GRM1: variants seen among roughly 807,000 people sequenced by gnomAD.
The protein encoded by GRM1 is metabotropic glutamate receptor 1.
In GRM1, 33 loss-of-function variants were observed where a neutral mutation model predicts 90.9. The observed-to-expected ratio is 0.36, with a 90% CI of 0.28 to 0.49. The LOEUF is 0.49. GRM1 is among the 20% of genes least tolerant of loss of function. The pLI, the probability that GRM1 is intolerant of heterozygous loss-of-function variation, is 0.99. For missense variants in GRM1, 1,190 were observed against 1,534.3 expected (o/e 0.78, Z 3.75); for synonymous variants, 700 against 613.2 (o/e 1.14, Z -2.09).
chr6:146,301,181 A>T (rs1310897608), intron 2 of GRM1, among the ~76,000 whole-genome samples: 1 of 152,102 alleles, frequency 6.6e-6, no homozygotes, highest in Admixed American at 6.6e-5. Context: ...TTTTCCTTAT[A>T]TCCTGGTTCT....
intron 1 of GRM1, among the ~76,000 whole-genome samples, chr6:146,098,612 A>C (rs1253562120): frequency 6.6e-6 from 1 of 152,030 alleles, no homozygotes; most frequent in Non-Finnish European, 1.5e-5. Flanking sequence ...CCTAAAGTTA[A>C]TCTTACCACC....
intron 7 of GRM1, among the ~76,000 whole-genome samples, chr6:146,406,124 G>A (rs1308664402): frequency 6.6e-6 from 1 of 152,178 alleles, no homozygotes; most frequent in Non-Finnish European, 1.5e-5. Context: ...AGGTGACAAA[G>A]AAGGAAAAGT....
At chr6:146,031,299 CAGA>C (rs1342577304) in intron 1 of GRM1, among the ~76,000 whole-genome samples, 1 of 152,104 alleles carries the variant, frequency 6.6e-6, no homozygotes, top group East Asian at 1.9e-4. Flanking sequence ...TATAAGCTGG[CAGA>C]AGAAGACAAT....
Position 146,236,635 on chromosome 6 carries a change from A to G in GRM1, c.951-67976A>G, listed in dbSNP as rs545121371. The stretch of plus-strand genomic sequence containing the variant: ...GCCCAGTATATATTTCTTTTCCTCC[A>G]CAAGGGTGAGGGAATTTTTGTTGTT... On this transcript the variant is annotated intron_variant, in intron 2 of 7. Coordinates refer to ENST00000282753, the MANE Select transcript of GRM1 (RefSeq NM_001278064.2). Among the ~76,000 whole-genome samples the G allele has an allele frequency of 2.6e-5, 4 of 151,986 alleles. No homozygotes were observed. The East Asian group carries it at 5.8e-4, about 22-fold the overall frequency.
intron 3 of GRM1, among the ~76,000 whole-genome samples, chr6:146,344,694 T>C (rs917426434): frequency 1.3e-5 from 2 of 152,222 alleles, no homozygotes; most frequent in African/African-American, 4.8e-5. Flanking sequence ...ATTACGACAC[T>C]GAGACAGAGT....
intron 1 of GRM1, among the ~76,000 whole-genome samples, chr6:146,156,915 G>A (rs1777545902): frequency 6.6e-6 from 1 of 152,174 alleles, no homozygotes; most frequent in Admixed American, 6.5e-5. Context: ...ATGTCTGGAA[G>A]AAGTAGATTT....
chr6:146,330,610 C>G (rs1784555921), intron 3 of GRM1, among the ~76,000 whole-genome samples: 2 of 152,116 alleles, frequency 1.3e-5, no homozygotes, highest in Admixed American at 6.6e-5. Flanking sequence ...CTTATCTTCT[C>G]TTAATTCTGG....
At chr6:146,228,133 C>G (rs1156766185) in intron 2 of GRM1, among the ~76,000 whole-genome samples, 1 of 152,194 alleles carries the variant, frequency 6.6e-6, no homozygotes, top group Admixed American at 6.6e-5. Flanking sequence ...CTTTGTCCTT[C>G]TGGCATCACC....
At chr6:146,319,545 A>G (rs1347830430) in intron 3 of GRM1, among the ~76,000 whole-genome samples, 1 of 152,180 alleles carries the variant, frequency 6.6e-6, no homozygotes, top group East Asian at 1.9e-4. Flanking sequence ...TTGAATCTAT[A>G]AATTACCTTG....
chr6:146,091,521 G>T (rs573743259), intron 1 of GRM1, among the ~76,000 whole-genome samples: 2 of 152,092 alleles, frequency 1.3e-5, no homozygotes, highest in South Asian at 2.1e-4. Flanking sequence ...TTAGACAGAA[G>T]AACAACATAA....
intron 1 of GRM1, among the ~76,000 whole-genome samples, chr6:146,143,483 C>G (rs2128884907): frequency 6.6e-6 from 1 of 152,268 alleles, no homozygotes; most frequent in African/African-American, 2.4e-5. Context: ...TCTGTTAGTT[C>G]AGGTTCACCT....
intron 2 of GRM1, among the ~76,000 whole-genome samples, chr6:146,257,334 G>T (rs904682201): frequency 6.6e-6 from 1 of 152,034 alleles, no homozygotes; most frequent in Non-Finnish European, 1.5e-5. Flanking sequence ...GTGTAGCATT[G>T]AGTATTTAGC....
intron 1 of GRM1, among the ~76,000 whole-genome samples, chr6:146,097,492 A>G (rs938769943): frequency 6.6e-6 from 1 of 152,162 alleles, no homozygotes; most frequent in South Asian, 2.1e-4. Context: ...TAATTCTGGA[A>G]TGCATTTGCA....
chr6:146,349,841 C>T (rs369633502), intron 3 of GRM1, among the ~76,000 whole-genome samples: 1 of 152,114 alleles, frequency 6.6e-6, no homozygotes, highest in Admixed American at 6.5e-5. Flanking sequence ...TTTGTATATA[C>T]ATATGTATAC....
chr6:146,279,343 C>CT (rs1782487614), intron 2 of GRM1, among the ~76,000 whole-genome samples: 1 of 152,132 alleles, frequency 6.6e-6, no homozygotes, highest in African/African-American at 2.4e-5. Flanking sequence ...TACATACTCT[C>CT]TTTTTTTACA....
At chr6:146,105,800 A>C (rs1032880911) in intron 1 of GRM1, among the ~76,000 whole-genome samples, 1 of 152,224 alleles carries the variant, frequency 6.6e-6, no homozygotes, top group African/African-American at 2.4e-5. Context: ...TAAGAATAAC[A>C]GGAGACCTTT....
intron 1 of GRM1, among the ~76,000 whole-genome samples, chr6:146,128,121 A>C (rs541562672): frequency 1.3e-5 from 2 of 152,270 alleles, no homozygotes; most frequent in South Asian, 2.1e-4. Context: ...GGTGTACAGG[A>C]AAAACCTGTA....
intron 4 of GRM1, among the ~76,000 whole-genome samples, chr6:146,353,938 C>T (rs1785494403): frequency 6.6e-6 from 1 of 152,100 alleles, no homozygotes; most frequent in Admixed American, 6.5e-5. Context: ...GGCCTGGCAA[C>T]CTTCTTAATG....
In GRM1 at chr6:146,043,735, T is replaced by C. The variant is rs1582918318; in HGVS notation, c.700+13518T>C. ...CTTCAATGGCATTAATTTATACTTT[T>C]TTATAATTGTAAAATATCTCAACTC... is the stretch of plus-strand genomic sequence containing the variant. On this transcript the variant is annotated intron_variant, in intron 1 of 7. Transcript: ENST00000282753. 2.0e-5 allele frequency among the ~76,000 whole-genome samples: 3 copies of C among 148,096 alleles called. No homozygotes were observed. In the East Asian group the frequency reaches 6.0e-4, roughly 29 times the overall value.
Sources: allele counts gnomAD v4.1 joint callset (sites outside exome capture counted in the v4.1 genomes callset), GRCh38; gene constraint gnomAD v4.1.1; transcripts MANE v1.5; gene names NCBI Gene and HGNC (gene_info 2026-07-23, HGNC 2026-07-21).